The following NALCN variants were observed in gnomAD, a reference collection of about 807,000 sequenced individuals.
NALCN encodes sodium leak channel, non-selective, also known as sodium leak channel NALCN.
Under a neutral mutation model 225.3 loss-of-function variants are expected in NALCN, and 111 were observed. The observed-to-expected ratio is 0.49, with a 90% CI of 0.42 to 0.58. The LOEUF (loss-of-function observed/expected upper bound fraction) is 0.58, where lower values mean the gene tolerates loss of function less well. NALCN is among the 20% of genes least tolerant of loss of function. The probability of loss-of-function intolerance (pLI) is 0.00; values close to 1 mark genes in which losing one functional copy is unlikely to be tolerated. For missense variants in NALCN, 1,378 were observed against 2,202.4 expected (o/e 0.63, Z 7.49); for synonymous variants, 764 against 769.0 (o/e 0.99, Z 0.11).
intron 39 of NALCN, 43 bp downstream of exon 39, chr13:101,067,875 G>C: frequency 7.6e-7 from 1 of 1,314,056 alleles, no homozygotes; most frequent in Non-Finnish European, 1.1e-6. Flanking sequence ...ATGTTGATAA[G>C]TCTCTTTGAG....
At chr13:101,373,461 C>T (rs906866926) in intron 6 of NALCN, among the ~76,000 whole-genome samples, 1 of 152,062 alleles carries the variant, frequency 6.6e-6, no homozygotes, top group Non-Finnish European at 1.5e-5. Context: ...TACAATATGA[C>T]CAAATTAGCA....
chr13:101,073,271 A>C (rs1283557636), intron 37 of NALCN, among the ~76,000 whole-genome samples: 2 of 152,218 alleles, frequency 1.3e-5, no homozygotes, highest in African/African-American at 4.8e-5. Flanking sequence ...TCCACTGAAC[A>C]CATTAAATTA....
chr13:101,283,379 C>T (rs1443776315), intron 10 of NALCN, among the ~76,000 whole-genome samples: 1 of 152,054 alleles, frequency 6.6e-6, no homozygotes, highest in Non-Finnish European at 1.5e-5. Flanking sequence ...ATGGTTTTTC[C>T]AGAAAGTTCA....
chr13:101,274,242 G>A (rs932775219), intron 10 of NALCN, among the ~76,000 whole-genome samples: 2 of 127,928 alleles, frequency 1.6e-5, no homozygotes, highest in African/African-American at 6.9e-5. Context: ...GTCTTAGAAG[G>A]TCTGCAATAG....
chr13:101,206,692 T>C lies in NALCN; in HGVS notation c.1627-14638A>G, dbSNP rs141122902. Among the ~76,000 whole-genome samples the C allele has an allele frequency of 4.7e-3, 710 of 151,050 alleles. 7 individuals are homozygous for C. Among genetic ancestry groups the C allele is most frequent in the African/African-American group, 0.017 (691 of 41,338 alleles). ...AAAAATCTCAAAATACCAAAATATA[T>C]GAAGCATAAAATAATTCAAACAACA... On this transcript the variant is annotated intron_variant, in intron 13 of 43. Coordinates refer to ENST00000251127, the MANE Select transcript of NALCN (RefSeq NM_052867.4).
intron 10 of NALCN, among the ~76,000 whole-genome samples, chr13:101,280,868 C>A (rs146250097): frequency 7.1e-6 from 1 of 140,872 alleles, no homozygotes; most frequent in Non-Finnish European, 1.5e-5. Flanking sequence ...TTCTTTTCCT[C>A]ATTCTCTCTC....
chr13:101,235,544 A>C (rs1255517279), intron 12 of NALCN, among the ~76,000 whole-genome samples: 3 of 152,236 alleles, frequency 2.0e-5, no homozygotes, highest in Admixed American at 6.5e-5. Context: ...AGCAGTGCAC[A>C]AGAGCTTATA....
At position 101,144,847 on chromosome 13, in the gene NALCN, C is replaced by T; in HGVS notation, c.1889G>A (p.Arg630His). 6.2e-7 allele frequency: 1 copy of T among 1,612,810 alleles called. No individual in the cohort carries two copies. Among genetic ancestry groups the T allele is most frequent in the Non-Finnish European group, 8.5e-7 (1 of 1,179,484 alleles). ...TGGAAATTTTTCAAAGATTCGCAGG[C>T]GTAAAGGGAGCTTTTCTTTGGTGTC... ...NADTKEKLPL[R>H]LRIFEKFPNR... The change falls in exon 16 of 44, where the codon CGC becomes CAC. Residue 630 changes from arginine (R) to histidine (H), a missense_variant. Around this residue, in one of 19 missense-constraint regions of NALCN, gnomAD observed 62 missense variants for 143.6 expected, o/e 0.43. Transcript: ENST00000251127.
intron 11 of NALCN, among the ~76,000 whole-genome samples, chr13:101,246,056 T>C (rs2041885582): frequency 6.6e-6 from 1 of 152,136 alleles, no homozygotes; most frequent in Non-Finnish European, 1.5e-5. Context: ...CACTGTGAAG[T>C]GTACTTTCAC....
intron 1 of NALCN, among the ~76,000 whole-genome samples, chr13:101,415,208 C>CACATATATATATATATATATATAT (rs1555349509): frequency 9.3e-6 from 1 of 107,824 alleles, no homozygotes; most frequent in East Asian, 2.3e-4. Flanking sequence ...AAATCACACA[C>CACATATATATATATATATATATAT]ATATATATAT....
intron 15 of NALCN, among the ~76,000 whole-genome samples, chr13:101,169,289 T>G (rs1372199051): frequency 1.3e-5 from 2 of 152,238 alleles, no homozygotes; most frequent in Non-Finnish European, 2.9e-5. Context: ...GTAAAAGAGA[T>G]AACTCAGTTG....
chr13:101,283,872 G>T, intron 10 of NALCN, 61 bp downstream of exon 10: 2 of 1,391,006 alleles, frequency 1.4e-6, no homozygotes, highest in South Asian at 1.4e-5. Flanking sequence ...GGATTTTCTT[G>T]GATGAAATAA....
At chr13:101,225,059 C>T (rs2041089305) in intron 13 of NALCN, among the ~76,000 whole-genome samples, 2 of 152,260 alleles carry the variant, frequency 1.3e-5, no homozygotes, top group Admixed American at 6.5e-5. Flanking sequence ...CCCTGGTGCC[C>T]AACTTTTTCC....
At chr13:101,226,485 T>A (rs1247205569) in intron 13 of NALCN, among the ~76,000 whole-genome samples, 1 of 152,224 alleles carries the variant, frequency 6.6e-6, no homozygotes, top group African/African-American at 2.4e-5. Flanking sequence ...ACTCTTACAA[T>A]AACCATCCCC....
chr13:101,141,723 T>G (rs750522547), intron 17 of NALCN, among the ~76,000 whole-genome samples: 1 of 150,970 alleles, frequency 6.6e-6, no homozygotes, highest in Non-Finnish European at 1.5e-5. Context: ...GTGAGGGAAT[T>G]CCAAAGGGTT....
chr13:101,265,754 T>G (rs1182544160), intron 10 of NALCN, among the ~76,000 whole-genome samples: 1 of 152,200 alleles, frequency 6.6e-6, no homozygotes, highest in Admixed American at 6.5e-5. Flanking sequence ...CTAAGTAGAT[T>G]TCTAGGCCCA....
chr13:101,133,682 A>C (rs1215327685), intron 17 of NALCN, among the ~76,000 whole-genome samples: 1 of 152,224 alleles, frequency 6.6e-6, no homozygotes, highest in African/African-American at 2.4e-5. Context: ...TCTATAAAAT[A>C]AACTTTCTCT....
At chr13:101,278,453 G>A (rs1052234723) in intron 10 of NALCN, among the ~76,000 whole-genome samples, 1 of 151,054 alleles carries the variant, frequency 6.6e-6, no homozygotes, top group Non-Finnish European at 1.5e-5. Flanking sequence ...AACCTGGGAG[G>A]CGGAGGTTGC....
In NALCN at chr13:101,054,980, G is replaced by T. The variant is rs190777740; in HGVS notation, c.*315C>A. 49 of 272,374 alleles carry T rather than the reference G, an allele frequency of 1.8e-4. No homozygotes were observed. Among genetic ancestry groups the T allele is most frequent in the African/African-American group, 9.2e-4 (42 of 45,740 alleles). 16.9% of individuals were successfully genotyped at this position (272,374 alleles called of 1,614,324 possible). A position where few individuals can be genotyped will look rare whatever the true frequency, so the allele number is the denominator to read the frequency against. The stretch of plus-strand genomic sequence containing the variant: ...GGGGCGGTGATAATACTGCATTAGA[G>T]CACATATGAATATATACCTTAGTTT... On this transcript the variant is annotated 3_prime_UTR_variant, in exon 44 of 44. Coordinates refer to ENST00000251127, the MANE Select transcript of NALCN (RefSeq NM_052867.4).
Sources: allele counts gnomAD v4.1 joint callset (sites outside exome capture counted in the v4.1 genomes callset), GRCh38; gene constraint gnomAD v4.1.1; regional missense constraint gnomAD v4.1.1; transcripts MANE v1.5; gene names NCBI Gene and HGNC (gene_info 2026-07-23, HGNC 2026-07-21).